Variants in RAB7A observed in about 807,000 individuals in gnomAD.
RAB7A encodes RAB7A, member RAS oncogene family, also known as ras-related protein Rab-7a.
A neutral mutation model predicts 24.5 loss-of-function variants in RAB7A; 2 were observed. The ratio of observed to expected loss-of-function variants is 0.08; its 90% CI spans 0.03 to 0.26. RAB7A has a LOEUF of 0.26. Among genes scored for constraint, RAB7A ranks in the 10% least tolerant of loss-of-function variants. The probability of loss-of-function intolerance (pLI) is 1.00; values close to 1 mark genes in which losing one functional copy is unlikely to be tolerated. For missense variants in RAB7A, 118 were observed against 255.7 expected (o/e 0.46, Z 3.67); for synonymous variants, 100 against 95.9 (o/e 1.04, Z -0.25).
At position 128,805,503 on chromosome 3, in the gene RAB7A, C is replaced by T. The variant is rs753188281; in HGVS notation, c.181-869C>T. 5.3e-5 allele frequency among the ~76,000 whole-genome samples: 8 copies of T among 152,008 alleles called. No individual in the cohort carries two copies. The South Asian group carries it at 6.2e-4, about 12-fold the overall frequency. Reference sequence around the variant, plus strand: ...ATGAGGTGACCAGCTTAGAGCTGGGCGGTAGTACCTGGTTTAATCTTTACT... The same window carrying T: ...ATGAGGTGACCAGCTTAGAGCTGGGTGGTAGTACCTGGTTTAATCTTTACT... On this transcript the variant is annotated intron_variant, in intron 3 of 5. Transcript: ENST00000265062.
intron 1 of RAB7A, among the ~76,000 whole-genome samples, chr3:128,753,416 A>C (rs1353726333): frequency 6.6e-6 from 1 of 152,230 alleles, no homozygotes; most frequent in Non-Finnish European, 1.5e-5. Flanking sequence ...TGTATACTTA[A>C]AAATGATAAA....
chr3:128,813,323 C>T lies in RAB7A; in HGVS notation c.529-4C>T. ...AACCAACCTTTCTCTGTTTCCTTGT[C>T]CAGGAAACGGAGGTGGAGCTGTACA... On this transcript the variant is annotated splice_polypyrimidine_tract_variant and splice_region_variant and intron_variant, in intron 5 of 5. Transcript: ENST00000265062. The T allele has an allele frequency of 6.2e-7, 1 of 1,613,326 alleles. No individual in the cohort carries two copies. Among genetic ancestry groups the T allele is most frequent in the Non-Finnish European group, 8.5e-7 (1 of 1,179,276 alleles).
chr3:128,801,556 G>C (rs1027800414), intron 3 of RAB7A, among the ~76,000 whole-genome samples: 3 of 84,590 alleles, frequency 3.5e-5, no homozygotes, highest in South Asian at 3.9e-4. Context: ...AACATTGATA[G>C]GGGGAGAAAA....
At chr3:128,812,324 A>G (rs974265994) in intron 5 of RAB7A, among the ~76,000 whole-genome samples, 1 of 152,200 alleles carries the variant, frequency 6.6e-6, no homozygotes, top group Non-Finnish European at 1.5e-5. Context: ...CATGTTCGCC[A>G]GGCTGGTCTT....
intron 1 of RAB7A, among the ~76,000 whole-genome samples, chr3:128,784,754 A>T (rs1933300596): frequency 6.6e-6 from 1 of 152,008 alleles, no homozygotes; most frequent in Non-Finnish European, 1.5e-5. Flanking sequence ...AATTCTCCCA[A>T]CCAAGGTAAT....
chr3:128,768,725 A>ATT (rs34053060), intron 1 of RAB7A, among the ~76,000 whole-genome samples: 13 of 137,284 alleles, frequency 9.5e-5, no homozygotes, highest in African/African-American at 2.9e-4. Context: ...CACCTGGCTA[A>ATT]TTTTTTTTTT....
At position 128,726,242 on chromosome 3, in the gene RAB7A, G is replaced by C. The variant is rs1169011715; in HGVS notation, c.-126G>C. 1.3e-5 allele frequency: 2 copies of C among 153,642 alleles called. No homozygotes were observed. The highest frequency in any genetic ancestry group is 1.3e-4 in the Admixed American group (2 of 15,288). 9.5% of individuals were successfully genotyped at this position (153,642 alleles called of 1,614,324 possible). A position where few individuals can be genotyped will look rare whatever the true frequency, so the allele number is the denominator to read the frequency against. Reference sequence around the variant, plus strand: ...GCGGAGTTGGCGGCTTGGAGAGCTCGGGAGAGTTCCCTGGAACCAGAACTT... The same window carrying C: ...GCGGAGTTGGCGGCTTGGAGAGCTCCGGAGAGTTCCCTGGAACCAGAACTT... On this transcript the variant is annotated 5_prime_UTR_variant, in exon 1 of 6. Coordinates refer to ENST00000265062, the MANE Select transcript of RAB7A (RefSeq NM_004637.6).
chr3:128,758,290 TGAGAC>T (rs2070747651), intron 1 of RAB7A, among the ~76,000 whole-genome samples: 1 of 148,960 alleles, frequency 6.7e-6, no homozygotes, highest in Non-Finnish European at 1.5e-5. Flanking sequence ...TTTTTTTTTT[TGAGAC>T]AGAGTCTGGC....
intron 1 of RAB7A, among the ~76,000 whole-genome samples, chr3:128,779,374 C>T (rs1933164826): frequency 6.6e-6 from 1 of 151,520 alleles, no homozygotes; most frequent in Admixed American, 6.6e-5. Flanking sequence ...CGCCACTGCA[C>T]TCCAGCCTGG....
At chr3:128,768,969 C>CTTTTTTTTT (rs35457218) in intron 1 of RAB7A, among the ~76,000 whole-genome samples, 2 of 72,604 alleles carry the variant, frequency 2.8e-5, no homozygotes, top group African/African-American at 6.5e-5. Context: ...TCTTTCTTTC[C>CTTTTTTTTT]TTTTTTTTTT....
Position 128,812,321 on chromosome 3 carries a change from G to A in RAB7A, c.529-1006G>A, listed in dbSNP as rs150168814. 3.4e-3 allele frequency among the ~76,000 whole-genome samples: 522 copies of A among 152,214 alleles called. 2 individuals are homozygous for A. The highest frequency in any genetic ancestry group is 5.1e-3 in the Non-Finnish European group (344 of 68,016). On this transcript the variant is annotated intron_variant, in intron 5 of 5. Coordinates refer to ENST00000265062, the MANE Select transcript of RAB7A (RefSeq NM_004637.6). The stretch of plus-strand genomic sequence containing the variant: ...GTAGAGACGGGGTTTCACCATGTTC[G>A]CCAGGCTGGTCTTGAACTCCTGACT...
chr3:128,781,506 C>T (rs1475813282), intron 1 of RAB7A, among the ~76,000 whole-genome samples: 5 of 151,248 alleles, frequency 3.3e-5, no homozygotes, highest in African/African-American at 1.2e-4. Context: ...TCATCTCTAC[C>T]AAAAAATTTT....
At position 128,758,966 on chromosome 3, in the gene RAB7A, A is replaced by C. The variant is rs551084172; in HGVS notation, c.-9+32607A>C. On this transcript the variant is annotated intron_variant, in intron 1 of 5. Transcript: ENST00000265062. ...CTTACTGTTCTAATGCTACTCACTC[A>C]GGCTTTGGTTGAGTAGTAAACAGAC... 9.8e-5 allele frequency among the ~76,000 whole-genome samples: 15 copies of C among 152,352 alleles called. No homozygotes were observed. The East Asian group carries it at 2.9e-3, about 29-fold the overall frequency.
chr3:128,813,042 T>A (rs1165948009), intron 5 of RAB7A, among the ~76,000 whole-genome samples: 1 of 152,256 alleles, frequency 6.6e-6, no homozygotes, highest in East Asian at 1.9e-4. Flanking sequence ...GTCCATGAAC[T>A]TCTGTCCTGA....
At chr3:128,728,814 G>T (rs1413532589) in intron 1 of RAB7A, among the ~76,000 whole-genome samples, 5 of 152,146 alleles carry the variant, frequency 3.3e-5, no homozygotes, top group Non-Finnish European at 5.9e-5. Context: ...TGTCACTACT[G>T]TAATTACCTT....
intron 1 of RAB7A, among the ~76,000 whole-genome samples, chr3:128,766,788 C>T (rs1260840836): frequency 1.3e-5 from 2 of 152,108 alleles, no homozygotes; most frequent in Non-Finnish European, 2.9e-5. Flanking sequence ...AATCCACCCA[C>T]CTCAGCCTCC....
At chr3:128,729,611 A>G (rs987335936) in intron 1 of RAB7A, among the ~76,000 whole-genome samples, 1 of 151,998 alleles carries the variant, frequency 6.6e-6, no homozygotes, top group Non-Finnish European at 1.5e-5. Context: ...ATCTTCACTA[A>G]TAACGTTTTT....
At chr3:128,811,822 C>T (rs890898838) in intron 5 of RAB7A, among the ~76,000 whole-genome samples, 1 of 150,916 alleles carries the variant, frequency 6.6e-6, no homozygotes, top group African/African-American at 2.4e-5. Context: ...GCACTCCAGC[C>T]TGGGCGACAG....
chr3:128,795,739 G>A (rs987810441), intron 2 of RAB7A, among the ~76,000 whole-genome samples: 12 of 65,536 alleles, frequency 1.8e-4, no homozygotes, highest in Admixed American at 1.7e-3. Context: ...GGCATCTGGC[G>A]TAGCAGATGT....
Sources: allele counts gnomAD v4.1 joint callset (sites outside exome capture counted in the v4.1 genomes callset), GRCh38; gene constraint gnomAD v4.1.1; transcripts MANE v1.5; gene names NCBI Gene and HGNC (gene_info 2026-07-23, HGNC 2026-07-21).